SAMD12: variants seen among roughly 807,000 people sequenced by gnomAD.
SAMD12 encodes sterile alpha motif domain-containing protein 12.
A neutral mutation model predicts 15.0 loss-of-function variants in SAMD12; 9 were observed. The ratio of observed to expected loss-of-function variants is 0.60; its 90% CI spans 0.36 to 1.05. The LOEUF is 1.05. Among genes scored for constraint, SAMD12 ranks in the 50% least tolerant of loss-of-function variants. SAMD12 has a pLI of 0.01. For synonymous variants in SAMD12, 86 were observed against 90.1 expected, an observed-to-expected ratio of 0.96 and a Z score of 0.25; for missense variants, 230 against 234.2, an observed-to-expected ratio of 0.98 and a Z score of 0.12.
chr8:118,593,771 C>A (rs141608597), intron 1 of SAMD12, among the ~76,000 whole-genome samples: 1 of 151,978 alleles, frequency 6.6e-6, no homozygotes, highest in African/African-American at 2.4e-5. Context: ...GAAATTACGT[C>A]GGAAAATTAT....
At chr8:118,271,207 T>C (rs962510669) in intron 4 of SAMD12, among the ~76,000 whole-genome samples, 2 of 152,170 alleles carry the variant, frequency 1.3e-5, no homozygotes, top group Non-Finnish European at 2.9e-5. Context: ...CTTATAATCA[T>C]GGTGGACAGG....
chr8:118,532,375 C>T (rs1293111980), intron 2 of SAMD12, among the ~76,000 whole-genome samples: 3 of 146,892 alleles, frequency 2.0e-5, no homozygotes, highest in African/African-American at 7.7e-5. Flanking sequence ...CAATGTTCAT[C>T]AGGAATATTG....
At chr8:118,344,508 TA>T (rs1158704039) in intron 4 of SAMD12, among the ~76,000 whole-genome samples, 1 of 152,218 alleles carries the variant, frequency 6.6e-6, no homozygotes, top group Non-Finnish European at 1.5e-5. Flanking sequence ...ACATGGCTAG[TA>T]AACTGCAGAA....
the SAMD12 span, among the ~76,000 whole-genome samples, chr8:118,131,873 A>G: frequency 2.0e-4 from 30 of 152,240 alleles, no homozygotes; most frequent in Non-Finnish European, 3.4e-4. Context: ...TCCTGATGAT[A>G]AGAAAAATAA....
At chr8:118,563,542 C>T (rs1050383642) in intron 2 of SAMD12, among the ~76,000 whole-genome samples, 15 of 152,094 alleles carry the variant, frequency 9.9e-5, no homozygotes, top group Non-Finnish European at 1.5e-5. Context: ...TATTCTTCTT[C>T]CCTGAGTGAA....
intron 4 of SAMD12, among the ~76,000 whole-genome samples, chr8:118,257,634 C>A (rs1325977399): frequency 6.6e-6 from 1 of 151,996 alleles, no homozygotes; most frequent in Non-Finnish European, 1.5e-5. Flanking sequence ...GCATTCTGGG[C>A]CCAACTCTGA....
chr8:118,161,276 T>C, the SAMD12 span, among the ~76,000 whole-genome samples: 1 of 152,174 alleles, frequency 6.6e-6, no homozygotes, highest in Non-Finnish European at 1.5e-5. Context: ...GCGAACTTTA[T>C]CAATATTATA....
chr8:118,328,348 C>T (rs534088426), intron 4 of SAMD12, among the ~76,000 whole-genome samples: 1 of 152,226 alleles, frequency 6.6e-6, no homozygotes, highest in East Asian at 1.9e-4. Flanking sequence ...ATTCTCCCTG[C>T]TTCTCTGCTT....
At chr8:118,570,702 C>T (rs1394463915) in intron 2 of SAMD12, among the ~76,000 whole-genome samples, 2 of 152,044 alleles carry the variant, frequency 1.3e-5, no homozygotes, top group Non-Finnish European at 2.9e-5. Context: ...GATTTATATT[C>T]CTCTGGGTAT....
chr8:118,163,689 C>T, the SAMD12 span, among the ~76,000 whole-genome samples: 1 of 151,882 alleles, frequency 6.6e-6, no homozygotes, highest in Non-Finnish European at 1.5e-5. Flanking sequence ...TCCTGGCTAA[C>T]ACGGTGAAAC....
chr8:118,221,513 A>G (rs1174928709), intron 4 of SAMD12, among the ~76,000 whole-genome samples: 1 of 152,202 alleles, frequency 6.6e-6, no homozygotes, highest in Non-Finnish European at 1.5e-5. Context: ...GAAGTAAAAA[A>G]TAAATAAATA....
chr8:118,565,687 C>T (rs139714852), intron 2 of SAMD12, among the ~76,000 whole-genome samples: 167 of 152,234 alleles, frequency 1.1e-3, no homozygotes, highest in African/African-American at 1.7e-3. Context: ...ACAATTAATA[C>T]GGCCAAAATG....
At chr8:118,448,901 T>C (rs1192995967) in intron 2 of SAMD12, among the ~76,000 whole-genome samples, 2 of 152,170 alleles carry the variant, frequency 1.3e-5, no homozygotes, top group Non-Finnish European at 2.9e-5. Context: ...GTGGAAGGAT[T>C]AGAAATGGTT....
chr8:118,390,194 G>C (rs920224485), intron 3 of SAMD12, among the ~76,000 whole-genome samples: 2 of 152,148 alleles, frequency 1.3e-5, no homozygotes, highest in Admixed American at 1.3e-4. Flanking sequence ...TTTTTTAGTA[G>C]AGACGGGGTT....
At chr8:118,484,971 A>G (rs988019171) in intron 2 of SAMD12, among the ~76,000 whole-genome samples, 2 of 152,280 alleles carry the variant, frequency 1.3e-5, no homozygotes, top group African/African-American at 4.8e-5. Flanking sequence ...TAATGGATCT[A>G]CCCAATGATG....
intron 4 of SAMD12, among the ~76,000 whole-genome samples, chr8:118,301,050 T>A (rs979436241): frequency 1.4e-4 from 21 of 152,208 alleles, no homozygotes; most frequent in African/African-American, 4.1e-4. Flanking sequence ...TTGAACCATT[T>A]GCAGAAACTC....
chr8:118,319,004 G>C (rs1204029254), intron 4 of SAMD12, among the ~76,000 whole-genome samples: 2 of 152,220 alleles, frequency 1.3e-5, no homozygotes, highest in East Asian at 3.9e-4. Flanking sequence ...GGACCACCTT[G>C]CATGAGAAAG....
the SAMD12 span, among the ~76,000 whole-genome samples, chr8:118,176,937 T>C: frequency 5.5e-4 from 84 of 152,312 alleles, no homozygotes; most frequent in Admixed American, 1.2e-3. Context: ...GGGAAAGTGG[T>C]CATTTGGGTG....
chr8:118,408,900 A>G (rs1821260485), intron 3 of SAMD12, among the ~76,000 whole-genome samples: 4 of 152,050 alleles, frequency 2.6e-5, no homozygotes, highest in South Asian at 2.1e-4. Flanking sequence ...TATTGAAAAA[A>G]TTAATTTTGT....
Sources: allele counts gnomAD v4.1 joint callset (sites outside exome capture counted in the v4.1 genomes callset), GRCh38; gene constraint gnomAD v4.1.1; transcripts MANE v1.5; gene names NCBI Gene and HGNC (gene_info 2026-07-23, HGNC 2026-07-21).